PTPRD: variants seen among roughly 807,000 people sequenced by gnomAD.
PTPRD encodes receptor-type tyrosine-protein phosphatase delta.
PTPRD carries 34 observed loss-of-function variants against 214.5 expected under a neutral mutation model. That is an observed-to-expected ratio of 0.16 (90% CI 0.12 to 0.21). The LOEUF (loss-of-function observed/expected upper bound fraction) is 0.21, where lower values mean the gene tolerates loss of function less well. PTPRD is among the 10% of genes least tolerant of loss of function. The pLI, the probability that PTPRD is intolerant of heterozygous loss-of-function variation, is 1.00. For synonymous variants in PTPRD, 1,128 were observed against 845.7 expected (o/e 1.33, Z -5.79); for missense variants, 2,545 against 2,398.7 (o/e 1.06, Z -1.27).
intron 2 of PTPRD, among the ~76,000 whole-genome samples, chr9:10,515,661 G>C (rs1045193286): frequency 4.0e-5 from 6 of 151,764 alleles, no homozygotes; most frequent in Admixed American, 3.3e-4. Context: ...GTTAACTCTA[G>C]GCATGATATT....
rs185163482 is a variant in PTPRD, at chr9:9,684,520, G to A, written c.-287+50013C>T. ...TCAAAGAAAGACTCTACCTAAGATA[G>A]TTGCTTATTATTTTAGCTGGTAATT... On this transcript the variant is annotated intron_variant, in intron 7 of 45. Coordinates refer to ENST00000381196, the MANE Select transcript of PTPRD (RefSeq NM_002839.4). Among the ~76,000 whole-genome samples the A allele has an allele frequency of 6.7e-3, 1,019 of 151,760 alleles. 15 individuals are homozygous for A. Among genetic ancestry groups the A allele is most frequent in the African/African-American group, 0.023 (962 of 41,486 alleles).
intron 8 of PTPRD, among the ~76,000 whole-genome samples, chr9:9,498,139 G>A (rs1415518607): frequency 2.0e-5 from 3 of 152,102 alleles, no homozygotes; most frequent in Non-Finnish European, 4.4e-5. Flanking sequence ...CTGCTTTACA[G>A]TAGTGCCTGC....
At chr9:9,425,649 C>T (rs993905071) in intron 8 of PTPRD, among the ~76,000 whole-genome samples, 28 of 151,642 alleles carry the variant, frequency 1.8e-4, no homozygotes, top group Admixed American at 1.2e-3. Context: ...ATGCCATGAA[C>T]TTACATTACT....
intron 12 of PTPRD, among the ~76,000 whole-genome samples, chr9:8,731,119 C>T (rs1010941047): frequency 6.6e-6 from 1 of 152,208 alleles, no homozygotes; most frequent in African/African-American, 2.4e-5. Context: ...CTCCTTAATG[C>T]AACATCACAC....
chr9:8,464,020 G>C (rs1050741255), intron 32 of PTPRD, among the ~76,000 whole-genome samples: 1 of 151,818 alleles, frequency 6.6e-6, no homozygotes, highest in Admixed American at 6.6e-5. Flanking sequence ...TAACAAATTT[G>C]GAAAAAATTC....
chr9:10,391,168 C>T (rs1384732100), intron 2 of PTPRD, among the ~76,000 whole-genome samples: 1 of 151,694 alleles, frequency 6.6e-6, no homozygotes, highest in Non-Finnish European at 1.5e-5. Flanking sequence ...AGGAGTAATT[C>T]TCTTTTTAGG....
At chr9:10,206,031 G>A (rs190216676) in intron 3 of PTPRD, among the ~76,000 whole-genome samples, 79 of 141,704 alleles carry the variant, frequency 5.6e-4, no homozygotes, top group Non-Finnish European at 2.6e-4. Context: ...ATAGCTTTAT[G>A]TAAAAAAAAA....
chr9:10,279,168 C>G (rs142834875), intron 3 of PTPRD, among the ~76,000 whole-genome samples: 1 of 151,634 alleles, frequency 6.6e-6, no homozygotes, highest in African/African-American at 2.4e-5. Context: ...CAATTCATCC[C>G]TCCACTCTTG....
intron 5 of PTPRD, among the ~76,000 whole-genome samples, chr9:9,914,964 C>A (rs1201744132): frequency 3.9e-5 from 6 of 152,200 alleles, no homozygotes; most frequent in Non-Finnish European, 8.8e-5. Flanking sequence ...TAGCCCCAAA[C>A]CCAGTGAGCC....
chr9:9,611,376 T>G (rs2094504028), intron 7 of PTPRD, among the ~76,000 whole-genome samples: 1 of 152,210 alleles, frequency 6.6e-6, no homozygotes, highest in Non-Finnish European at 1.5e-5. Flanking sequence ...TTATAAATTT[T>G]TTTTCAAATT....
At chr9:10,606,288 T>C (rs1288234838) in intron 2 of PTPRD, among the ~76,000 whole-genome samples, 1 of 151,810 alleles carries the variant, frequency 6.6e-6, no homozygotes, top group Non-Finnish European at 1.5e-5. Context: ...ATGAAATAAT[T>C]CTGTCTCTAG....
At chr9:10,164,885 T>G (rs1435808502) in intron 3 of PTPRD, among the ~76,000 whole-genome samples, 1 of 147,472 alleles carries the variant, frequency 6.8e-6, no homozygotes, top group Non-Finnish European at 1.5e-5. Context: ...TGGAAGTAAT[T>G]TGAACAAGAA....
intron 10 of PTPRD, among the ~76,000 whole-genome samples, chr9:9,153,120 C>T (rs910352457): frequency 6.6e-6 from 1 of 152,152 alleles, no homozygotes; most frequent in Non-Finnish European, 1.5e-5. Context: ...TCCTCCTGTG[C>T]GTTCACGAAA....
At position 9,682,144 on chromosome 9, in the gene PTPRD, G is replaced by C. The variant is rs181352346; in HGVS notation, c.-287+52389C>G. ...ACACAAACCTGGCACTAATCTTAAT[G>C]AAAATTTTATTTTATAAGCCAGATT... is the stretch of plus-strand genomic sequence containing the variant. On this transcript the variant is annotated intron_variant, in intron 7 of 45. Transcript: ENST00000381196. Among the ~76,000 whole-genome samples, 5 of 151,752 alleles carry C rather than the reference G, an allele frequency of 3.3e-5. No homozygotes were observed. In the East Asian group the frequency reaches 9.7e-4, roughly 30 times the overall value.
chr9:8,709,710 T>C (rs1372097066), intron 12 of PTPRD, among the ~76,000 whole-genome samples: 2 of 151,842 alleles, frequency 1.3e-5, no homozygotes, highest in East Asian at 1.9e-4. Context: ...TCTGTCAATA[T>C]AAAAAAATTA....
intron 8 of PTPRD, among the ~76,000 whole-genome samples, chr9:9,443,416 G>A (rs531225503): frequency 6.6e-6 from 1 of 152,280 alleles, no homozygotes; most frequent in South Asian, 2.1e-4. Flanking sequence ...GATATTACTT[G>A]CAGGGAAATA....
chr9:8,412,431 C>T (rs1465127940), intron 35 of PTPRD, among the ~76,000 whole-genome samples: 1 of 152,128 alleles, frequency 6.6e-6, no homozygotes, highest in African/African-American at 2.4e-5. Flanking sequence ...AATTAATTCA[C>T]AGCTGCATCC....
At chr9:8,642,736 C>T (rs1159893704) in intron 12 of PTPRD, among the ~76,000 whole-genome samples, 1 of 152,138 alleles carries the variant, frequency 6.6e-6, no homozygotes, top group African/African-American at 2.4e-5. Context: ...CATTCCCTTC[C>T]AGCCACAGCA....
chr9:8,769,546 C>A (rs1163627278), intron 11 of PTPRD, among the ~76,000 whole-genome samples: 1 of 152,054 alleles, frequency 6.6e-6, no homozygotes, highest in Non-Finnish European at 1.5e-5. Flanking sequence ...TGGAAAACTG[C>A]CAAAAACTTA....
Sources: allele counts gnomAD v4.1 joint callset (sites outside exome capture counted in the v4.1 genomes callset), GRCh38; gene constraint gnomAD v4.1.1; transcripts MANE v1.5; gene names NCBI Gene and HGNC (gene_info 2026-07-23, HGNC 2026-07-21).